Variants in RAB40B observed in about 807,000 individuals in gnomAD.
RAB40B encodes ras-related protein Rab-40B.
In RAB40B, 21 loss-of-function variants were observed where a neutral mutation model predicts 24.0. The observed-to-expected ratio is 0.88, with a 90% CI of 0.62 to 1.26. RAB40B has a LOEUF of 1.26. RAB40B is among the 50% of genes most tolerant of loss of function. The pLI is 0.00. For synonymous variants in RAB40B, 167 were observed against 169.8 expected, an observed-to-expected ratio of 0.98 and a Z score of 0.13; for missense variants, 348 against 390.5, an observed-to-expected ratio of 0.89 and a Z score of 0.92.
At chr17:82,680,710 G>A (rs1177695873) in intron 1 of RAB40B, among the ~76,000 whole-genome samples, 1 of 152,060 alleles carries the variant, frequency 6.6e-6, no homozygotes, top group Non-Finnish European at 1.5e-5. Flanking sequence ...TTCATATGAA[G>A]TATTGATACA....
intron 1 of RAB40B, among the ~76,000 whole-genome samples, chr17:82,690,211 T>G (rs1409219305): frequency 1.3e-5 from 2 of 150,540 alleles, no homozygotes; most frequent in Non-Finnish European, 1.5e-5. Flanking sequence ...CAGGGGAAGA[T>G]CTGCAGAATT....
At chr17:82,679,561 G>A (rs2046429148) in intron 1 of RAB40B, among the ~76,000 whole-genome samples, 1 of 152,180 alleles carries the variant, frequency 6.6e-6, no homozygotes, top group Non-Finnish European at 1.5e-5. Flanking sequence ...ACAGGTGGGA[G>A]CCACTGCGCC....
intron 1 of RAB40B, among the ~76,000 whole-genome samples, chr17:82,694,548 TACACACACAC>T (rs1160769691): frequency 7.0e-6 from 1 of 142,228 alleles, no homozygotes; most frequent in Non-Finnish European, 1.5e-5. Flanking sequence ...AAAAAATACA[TACACACACAC>T]ATACACACAC....
At position 82,659,674 on chromosome 17, in the gene RAB40B, A is replaced by G. The variant is rs771064735; in HGVS notation, c.265-17T>C. ...GATCACACCCTGGGGGAGAGGTCAC[A>G]GGCTCAGCACGCAGAACACAGATGC... On this transcript the variant is annotated splice_polypyrimidine_tract_variant and intron_variant, in intron 3 of 5. Coordinates refer to ENST00000571995, the MANE Select transcript of RAB40B (RefSeq NM_006822.3). The G allele has an allele frequency of 1.4e-5, 22 of 1,612,092 alleles. No homozygotes were observed. Among genetic ancestry groups the G allele is most frequent in the Non-Finnish European group, 8.5e-7 (1 of 1,178,234 alleles).
intron 1 of RAB40B, among the ~76,000 whole-genome samples, chr17:82,671,644 C>T (rs2046338372): frequency 1.4e-5 from 1 of 70,100 alleles, no homozygotes; most frequent in African/African-American, 4.8e-5. Context: ...CTCTAACACA[C>T]ACACTCACAC....
In RAB40B at chr17:82,655,449, C is replaced by G. The variant is rs1460738512; in HGVS notation, c.*2414G>C. ...AGTAGTCCCGAGGAGACATCAATTA[C>G]AAAACAAGAAAAAGGAAGGAAGAGA... On this transcript the variant is annotated 3_prime_UTR_variant, in exon 6 of 6. Transcript: ENST00000571995. The G allele has an allele frequency of 6.6e-6, 1 of 152,154 alleles. No individual in the cohort carries two copies. The highest frequency in any genetic ancestry group is 2.4e-5 in the African/African-American group (1 of 41,404). The allele number at this position is 152,154 out of a possible 1,614,324, so 9.4% of individuals were successfully genotyped here.
Position 82,692,235 on chromosome 17 carries a change from G to A in RAB40B, c.142+6220C>T, listed in dbSNP as rs111832707. Among the ~76,000 whole-genome samples the A allele has an allele frequency of 0.017, 2,497 of 149,756 alleles. 57 individuals carry two copies. Among genetic ancestry groups the A allele is most frequent in the African/African-American group, 0.059 (2,384 of 40,154 alleles). On this transcript the variant is annotated intron_variant, in intron 1 of 5. Coordinates refer to ENST00000571995, the MANE Select transcript of RAB40B (RefSeq NM_006822.3). The surrounding 1 kb of genome is among the most constrained non-coding windows in gnomAD (Gnocchi z 4.0). ...CAGAGCAGTGGGGCCCGCACGGTCC[G>A]TGGGCTGAGGTGACAGGCAGAGCAG...
At chr17:82,666,330 G>A (rs927647603) in intron 1 of RAB40B, among the ~76,000 whole-genome samples, 1 of 151,590 alleles carries the variant, frequency 6.6e-6, no homozygotes, top group Non-Finnish European at 1.5e-5. Context: ...CTGCAACCTC[G>A]GCCTCCTGAG....
intron 3 of RAB40B, among the ~76,000 whole-genome samples, chr17:82,660,367 A>C (rs987870230): frequency 1.3e-5 from 2 of 151,700 alleles, no homozygotes; most frequent in African/African-American, 4.9e-5. Flanking sequence ...ACACACACGC[A>C]CAGGCACTCA....
At chr17:82,661,836 G>A in intron 2 of RAB40B, 3 of 832,476 alleles carry the variant, frequency 3.6e-6, no homozygotes, top group Non-Finnish European at 4.3e-6. Flanking sequence ...GCAGTGAGCT[G>A]ATATCGTGCC....
rs937934203 is a variant in RAB40B at position 82,697,114 on chromosome 17, G to A, written c.142+1341C>T. 8.6e-5 allele frequency among the ~76,000 whole-genome samples: 13 copies of A among 152,000 alleles called. No individual in the cohort carries two copies. Among genetic ancestry groups the A allele is most frequent in the Admixed American group, 8.5e-4 (13 of 15,278 alleles). The stretch of plus-strand genomic sequence containing the variant: ...ATGCTGCAGTTTCAGGAGGCCTCTG[G>A]GTGCTGGTCGTGAGCCCAAGCCCAT... On this transcript the variant is annotated intron_variant, in intron 1 of 5. Coordinates refer to ENST00000571995, the MANE Select transcript of RAB40B (RefSeq NM_006822.3). This position sits in a 1 kb window ranked among gnomAD's most constrained non-coding sequence, Gnocchi z 4.9.
At chr17:82,661,995 C>T (rs541045561) in intron 2 of RAB40B, 27 of 985,432 alleles carry the variant, frequency 2.7e-5, no homozygotes, top group Admixed American at 1.8e-4. Flanking sequence ...CGCTGTTTCC[C>T]GGAGTCTGCA....
At chr17:82,685,570 C>T (rs929768090) in intron 1 of RAB40B, among the ~76,000 whole-genome samples, 1 of 152,108 alleles carries the variant, frequency 6.6e-6, no homozygotes, top group Non-Finnish European at 1.5e-5. Flanking sequence ...TCCTAGGGGC[C>T]CCTCCAGGGC....
In RAB40B at chr17:82,698,513, G is replaced by T. The variant is rs200465969; in HGVS notation, c.84C>A (p.Gly28=). The T allele has an allele frequency of 9.8e-5, 150 of 1,523,776 alleles. No individual in the cohort carries two copies. Among genetic ancestry groups the T allele is most frequent in the Non-Finnish European group, 1.3e-4 (146 of 1,130,738 alleles). The allele number at this position is 1,523,776 out of a possible 1,614,324, so 94.4% of individuals were successfully genotyped here. ...LLVGDSDVGK[G]EILASLQDGA... ...CATCCTGCAGGCTCGCCAGGATCTC[G>T]CCCTTGCCCACGTCGCTGTCGCCCA... Residue 28 remains glycine, a synonymous_variant, in exon 1 of 6, where the codon GGC becomes GGA. Coordinates refer to ENST00000571995, the MANE Select transcript of RAB40B (RefSeq NM_006822.3).
intron 1 of RAB40B, among the ~76,000 whole-genome samples, chr17:82,678,570 C>T (rs1017223372): frequency 6.6e-6 from 1 of 152,202 alleles, no homozygotes; most frequent in South Asian, 2.1e-4. Context: ...CCTTCACAAG[C>T]GAGGATCTGT....
At chr17:82,658,245 G>T in intron 5 of RAB40B, 111 bp from the exon 6 acceptor site, 1 of 1,437,408 alleles carries the variant, frequency 7.0e-7, no homozygotes, top group Non-Finnish European at 9.3e-7. Flanking sequence ...GACGCCCGTG[G>T]CCCTGGCTTG....
chr17:82,695,165 G>A (rs1266950997), intron 1 of RAB40B, among the ~76,000 whole-genome samples: 4 of 150,934 alleles, frequency 2.7e-5, no homozygotes, highest in African/African-American at 7.4e-5. Context: ...GTGGAGTTAC[G>A]AACGCCCTCA....
intron 1 of RAB40B, among the ~76,000 whole-genome samples, chr17:82,672,335 AAC>A (rs2046349947): frequency 9.9e-6 from 1 of 101,252 alleles, no homozygotes. Context: ...CTGTAACTCT[AAC>A]ACACACACTC....
chr17:82,659,490 C>G, intron 4 of RAB40B, 90 bp downstream of exon 4: 1 of 1,313,836 alleles, frequency 7.6e-7, no homozygotes, highest in East Asian at 2.3e-5. Context: ...CATGGGTACC[C>G]ATGAGCCCTG....
Sources: allele counts gnomAD v4.1 joint callset (sites outside exome capture counted in the v4.1 genomes callset), GRCh38; gene constraint gnomAD v4.1.1; non-coding constraint Gnocchi (gnomAD v3.1); transcripts MANE v1.5; gene names NCBI Gene and HGNC (gene_info 2026-07-23, HGNC 2026-07-21).